CFAP44: variants seen among roughly 807,000 people sequenced by gnomAD.
The protein encoded by CFAP44 is cilia- and flagella-associated protein 44.
CFAP44 carries 134 observed loss-of-function variants against 216.2 expected under a neutral mutation model. The ratio of observed to expected loss-of-function variants is 0.62; its 90% CI spans 0.54 to 0.72. CFAP44 has a LOEUF of 0.72. CFAP44 is among the 30% of genes least tolerant of loss of function. The pLI, the probability that CFAP44 is intolerant of heterozygous loss-of-function variation, is 0.00. For missense variants in CFAP44, 2,035 were observed against 2,182.1 expected, an observed-to-expected ratio of 0.93 and a Z score of 1.34; for synonymous variants, 700 against 727.6, an observed-to-expected ratio of 0.96 and a Z score of 0.61.
intron 29 of CFAP44, among the ~76,000 whole-genome samples, chr3:113,307,841 G>A (rs936039848): frequency 2.6e-5 from 4 of 152,058 alleles, no homozygotes; most frequent in African/African-American, 9.7e-5. Context: ...TTAGGTGGGC[G>A]TGATGGCATG....
intron 22 of CFAP44, among the ~76,000 whole-genome samples, chr3:113,346,816 C>A (rs910755209): frequency 6.6e-6 from 1 of 152,232 alleles, no homozygotes; most frequent in African/African-American, 2.4e-5. Context: ...GCCACCCCAG[C>A]CAGCAGCGGC....
At position 113,438,487 on chromosome 3, in the gene CFAP44, G is replaced by A. The variant is rs145684729; in HGVS notation, c.-6+2966C>T. On this transcript the variant is annotated intron_variant, in intron 1 of 34. Transcript: ENST00000393845. ...TTAAAATGCAGCACCTACTGGATAA[G>A]GTTGTTCTGAGTCAACACAGGAAAG... Among the ~76,000 whole-genome samples the A allele has an allele frequency of 4.1e-3, 620 of 152,300 alleles. 4 individuals are homozygous for A. Among genetic ancestry groups the A allele is most frequent in the African/African-American group, 0.014 (582 of 41,564 alleles).
chr3:113,370,112 C>T (rs545603464), intron 18 of CFAP44, among the ~76,000 whole-genome samples: 80 of 152,256 alleles, frequency 5.3e-4, no homozygotes, highest in Non-Finnish European at 7.1e-4. Flanking sequence ...AAAAAAAGTC[C>T]AGAACCAGAC....
intron 1 of CFAP44, 46 bp from the exon 2 acceptor site, chr3:113,433,715 T>C (rs774289418): frequency 7.2e-7 from 1 of 1,398,450 alleles, no homozygotes. Flanking sequence ...GCTGTAAAAT[T>C]GAAACTAACA....
chr3:113,325,012 C>T (rs1162690504), intron 28 of CFAP44, among the ~76,000 whole-genome samples: 1 of 151,960 alleles, frequency 6.6e-6, no homozygotes, highest in East Asian at 1.9e-4. Context: ...TTTAAAATCA[C>T]TAAAAAAGGG....
rs906080795 is a variant in CFAP44, at chr3:113,327,617, T to C, written c.4319A>G (p.Gln1440Arg). ...NSLDKEEQYM[Q>R]WKINETLKEM... ...TAGGATTCTTCTGCCCACTCATACT[T>C]GCATGTACTGTTCCTCTTTGTCTAA... Residue 1440 changes from glutamine (Q) to arginine (R), a missense_variant and splice_region_variant, in exon 27 of 35, where the codon CAA becomes CGA. Coordinates refer to ENST00000393845, the MANE Select transcript of CFAP44 (RefSeq NM_001164496.2). 2.6e-6 allele frequency: 4 copies of C among 1,536,450 alleles called. No homozygotes were observed. In the African/African-American group the frequency reaches 5.5e-5, roughly 21 times the overall value.
At chr3:113,355,516 T>C (rs1236296920) in intron 22 of CFAP44, among the ~76,000 whole-genome samples, 3 of 152,134 alleles carry the variant, frequency 2.0e-5, no homozygotes, top group African/African-American at 7.2e-5. Flanking sequence ...TGAGACTCCA[T>C]CCATGGAATA....
At chr3:113,340,511 G>T (rs146560979) in intron 24 of CFAP44, among the ~76,000 whole-genome samples, 1 of 152,140 alleles carries the variant, frequency 6.6e-6, no homozygotes, top group Admixed American at 6.5e-5. Context: ...CTCACCTTCC[G>T]CAATCCCCAG....
At chr3:113,337,099 T>G (rs768324085) in intron 24 of CFAP44, among the ~76,000 whole-genome samples, 8 of 149,808 alleles carry the variant, frequency 5.3e-5, no homozygotes, top group Non-Finnish European at 1.0e-4. Flanking sequence ...ACTGAGACAG[T>G]TCAGAAAGGT....
chr3:113,329,995 T>C (rs1950226861), intron 26 of CFAP44, among the ~76,000 whole-genome samples, 173 bp downstream of exon 26: 1 of 152,078 alleles, frequency 6.6e-6, no homozygotes. Flanking sequence ...CACAGTGATT[T>C]CCAGAAGGCC....
intron 18 of CFAP44, among the ~76,000 whole-genome samples, chr3:113,367,596 CA>C (rs1932987505): frequency 6.6e-6 from 1 of 152,110 alleles, no homozygotes; most frequent in South Asian, 2.1e-4. Flanking sequence ...CATCAAAGAC[CA>C]AAGGTAGATA....
At chr3:113,308,086 A>C (rs1215628206) in intron 29 of CFAP44, 72 bp downstream of exon 29, 1 of 1,229,512 alleles carries the variant, frequency 8.1e-7, no homozygotes, top group African/African-American at 1.5e-5. Flanking sequence ...CAGAGAAACC[A>C]AAAAGGGTCT....
intron 8 of CFAP44, among the ~76,000 whole-genome samples, chr3:113,406,412 C>T (rs1333417951): frequency 6.6e-6 from 1 of 152,110 alleles, no homozygotes; most frequent in Non-Finnish European, 1.5e-5. Flanking sequence ...ATCACGAGGT[C>T]AGGAGATCAA....
chr3:113,356,280 T>C (rs1015338085), intron 22 of CFAP44, among the ~76,000 whole-genome samples: 2 of 151,720 alleles, frequency 1.3e-5, no homozygotes, highest in Non-Finnish European at 2.9e-5. Context: ...TAAATGTCTA[T>C]TATTCCTAAA....
rs780562305 is a variant in CFAP44, at chr3:113,373,509, A to G, written c.2346T>C (p.Cys782=). The change falls in exon 18 of 35, where the codon TGT becomes TGC. Residue 782 remains cysteine (C), a synonymous_variant. Transcript: ENST00000393845. ...GTTCTTTGAAATCACTGCTTTCATC[A>G]CAAGGGGGGAACTCACAGTGATATA... is the stretch of plus-strand genomic sequence containing the variant. ...GFLYHCEFPP[C]DESSDFKEQK... 2.5e-6 allele frequency: 4 copies of G among 1,605,820 alleles called. No homozygotes were observed. The highest frequency in any genetic ancestry group is 4.5e-5 in the East Asian group (2 of 44,524).
chr3:113,335,755 G>A (rs1427000506), intron 24 of CFAP44, among the ~76,000 whole-genome samples: 1 of 152,148 alleles, frequency 6.6e-6, no homozygotes, highest in African/African-American at 2.4e-5. Flanking sequence ...GACATTTATA[G>A]AACACTATGC....
At chr3:113,339,542 T>C (rs139429031) in intron 24 of CFAP44, among the ~76,000 whole-genome samples, 1 of 152,120 alleles carries the variant, frequency 6.6e-6, no homozygotes, top group African/African-American at 2.4e-5. Context: ...CTGAGTACCT[T>C]GGGCCTGTTT....
At chr3:113,349,028 G>A (rs145226875) in intron 22 of CFAP44, among the ~76,000 whole-genome samples, 5 of 152,298 alleles carry the variant, frequency 3.3e-5, no homozygotes, top group East Asian at 3.9e-4. Context: ...TCAGCAAGCC[G>A]TCACCAGTAT....
chr3:113,411,157 C>T (rs1934456538), intron 6 of CFAP44, among the ~76,000 whole-genome samples: 1 of 152,114 alleles, frequency 6.6e-6, no homozygotes, highest in Non-Finnish European at 1.5e-5. Flanking sequence ...TAATTAGATC[C>T]CATTTGTCAA....
Sources: gnomAD v4.1 joint callset for allele counts (sites outside exome capture counted in the v4.1 genomes callset) on GRCh38, gnomAD v4.1.1 for gene constraint, MANE v1.5 for transcripts, NCBI Gene and HGNC (gene_info 2026-07-23, HGNC 2026-07-21) for gene names.